The following FBXL17 variants were observed in gnomAD, a reference collection of about 807,000 sequenced individuals.
FBXL17 encodes F-box/LRR-repeat protein 17.
Under a neutral mutation model 66.2 loss-of-function variants are expected in FBXL17, and 22 were observed. That is an observed-to-expected ratio of 0.33 (90% CI 0.24 to 0.47). FBXL17 has a LOEUF of 0.47. Ranked by LOEUF, FBXL17 falls within the 20% of genes least tolerant of loss-of-function variation. The pLI is 1.00. For missense variants in FBXL17, 878 were observed against 948.2 expected (o/e 0.93, Z 0.97); for synonymous variants, 474 against 400.5 (o/e 1.18, Z -2.19).
chr5:108,188,597 C>A (rs959951424), intron 5 of FBXL17, among the ~76,000 whole-genome samples: 1 of 152,180 alleles, frequency 6.6e-6, no homozygotes, highest in African/African-American at 2.4e-5. Flanking sequence ...TACTTGGCAA[C>A]CAAAGCACAC....
intron 6 of FBXL17, among the ~76,000 whole-genome samples, chr5:108,142,978 T>TATA (rs10623997): frequency 0.049 from 7,054 of 145,060 alleles, 530 homozygotes; most frequent in African/African-American, 0.16. Flanking sequence ...GAACATAAAG[T>TATA]ATAATAATAA....
At chr5:108,323,034 T>C (rs1580814618) in intron 4 of FBXL17, among the ~76,000 whole-genome samples, 1 of 151,886 alleles carries the variant, frequency 6.6e-6, no homozygotes, top group East Asian at 1.9e-4. Flanking sequence ...TTACCTCTAA[T>C]AACAGAAACA....
At chr5:108,328,415 T>C (rs1759962492) in intron 4 of FBXL17, among the ~76,000 whole-genome samples, 1 of 151,792 alleles carries the variant, frequency 6.6e-6, no homozygotes. Context: ...ATCAACAAGA[T>C]AACATAAAAA....
intron 2 of FBXL17, 99 bp downstream of exon 2, chr5:108,367,732 C>G: frequency 9.5e-7 from 1 of 1,056,442 alleles, no homozygotes; most frequent in Non-Finnish European, 1.3e-6. Flanking sequence ...GTGATTTGAA[C>G]TATCTTAAAA....
intron 6 of FBXL17, among the ~76,000 whole-genome samples, chr5:108,061,750 A>G (rs896466276): frequency 2.6e-5 from 4 of 152,094 alleles, no homozygotes; most frequent in African/African-American, 9.7e-5. Context: ...ATATAAACTG[A>G]TATCTAGGTC....
At chr5:108,057,039 A>T (rs1469988352) in intron 6 of FBXL17, among the ~76,000 whole-genome samples, 1 of 152,214 alleles carries the variant, frequency 6.6e-6, no homozygotes, top group Non-Finnish European at 1.5e-5. Context: ...AAAGCATCCA[A>T]AAGCATCCAA....
chr5:108,152,450 A>T (rs1751809090), intron 6 of FBXL17, among the ~76,000 whole-genome samples: 1 of 152,162 alleles, frequency 6.6e-6, no homozygotes, highest in Non-Finnish European at 1.5e-5. Context: ...TTGGTACAAA[A>T]TATGAGGGGA....
intron 6 of FBXL17, among the ~76,000 whole-genome samples, chr5:108,183,331 G>A (rs796297029): frequency 2.0e-5 from 3 of 152,042 alleles, no homozygotes; most frequent in African/African-American, 4.8e-5. Context: ...GAGCCACCAC[G>A]CCTGGCCCAG....
At chr5:108,206,673 T>C (rs1343819494) in intron 5 of FBXL17, among the ~76,000 whole-genome samples, 3 of 152,214 alleles carry the variant, frequency 2.0e-5, no homozygotes, top group East Asian at 3.8e-4. Context: ...TATTTTGAGA[T>C]TAATCCATGT....
intron 6 of FBXL17, among the ~76,000 whole-genome samples, chr5:108,049,227 C>T (rs895690666): frequency 6.6e-6 from 1 of 152,004 alleles, no homozygotes; most frequent in African/African-American, 2.4e-5. Flanking sequence ...ACTGCAACCT[C>T]TGCCTCCCAG....
intron 6 of FBXL17, among the ~76,000 whole-genome samples, chr5:108,026,819 A>G (rs1196077973): frequency 6.6e-6 from 1 of 152,206 alleles, no homozygotes; most frequent in African/African-American, 2.4e-5. Flanking sequence ...GAAGGCTACA[A>G]AATTAGAAAA....
chr5:107,892,685 A>G (rs1271376255), intron 7 of FBXL17, among the ~76,000 whole-genome samples: 2 of 152,138 alleles, frequency 1.3e-5, no homozygotes, highest in Admixed American at 1.3e-4. Flanking sequence ...TGTGGAAAAA[A>G]AAGCATAAAG....
chr5:108,285,116 T>C (rs934205303), intron 4 of FBXL17, among the ~76,000 whole-genome samples: 6 of 151,946 alleles, frequency 3.9e-5, no homozygotes, highest in African/African-American at 1.4e-4. Context: ...TTTCTTTGCA[T>C]ATCCATAAGA....
intron 4 of FBXL17, among the ~76,000 whole-genome samples, chr5:108,337,666 T>G (rs950141802): frequency 6.8e-6 from 1 of 148,124 alleles, no homozygotes; most frequent in African/African-American, 2.5e-5. Flanking sequence ...GAACACATTC[T>G]GGAAGAAAGA....
In FBXL17 at chr5:108,147,980, T is replaced by C. The variant is rs907640673; in HGVS notation, c.1745+38137A>G. Among the ~76,000 whole-genome samples, 14 of 148,674 alleles carry C rather than the reference T, an allele frequency of 9.4e-5. No homozygotes were observed. The East Asian group carries it at 2.4e-3, about 25-fold the overall frequency. On this transcript the variant is annotated intron_variant, in intron 6 of 8. Coordinates refer to ENST00000542267, the MANE Select transcript of FBXL17 (RefSeq NM_001163315.3). ...CTTCCCAAACAATAAAAAACAATAA[T>C]ATAGGCAAAGGAAAAAAACTGAAAA...
chr5:107,975,846 T>TTTTTGC (rs1471915281), intron 7 of FBXL17, among the ~76,000 whole-genome samples: 1 of 62,156 alleles, frequency 1.6e-5, no homozygotes, highest in African/African-American at 7.2e-5. Flanking sequence ...TAGAGGGTTT[T>TTTTTGC]TGTTGTTGTT....
chr5:107,998,476 T>C (rs1753571599), intron 7 of FBXL17, among the ~76,000 whole-genome samples: 1 of 152,112 alleles, frequency 6.6e-6, no homozygotes, highest in African/African-American at 2.4e-5. Flanking sequence ...TATGTTACAG[T>C]GCTACCTGAA....
At chr5:108,377,201 C>T (rs1175802470) in intron 1 of FBXL17, among the ~76,000 whole-genome samples, 1 of 152,176 alleles carries the variant, frequency 6.6e-6, no homozygotes, top group East Asian at 1.9e-4. Flanking sequence ...TGCCTTGGCC[C>T]TTGCTCTCAG....
At chr5:108,158,392 A>G (rs1010020419) in intron 6 of FBXL17, among the ~76,000 whole-genome samples, 2 of 152,132 alleles carry the variant, frequency 1.3e-5, no homozygotes, top group African/African-American at 4.8e-5. Flanking sequence ...TAAAACCTCA[A>G]AAAAGGGGCT....
Sources: gnomAD v4.1 joint callset for allele counts (sites outside exome capture counted in the v4.1 genomes callset) on GRCh38, gnomAD v4.1.1 for gene constraint, MANE v1.5 for transcripts, NCBI Gene and HGNC (gene_info 2026-07-23, HGNC 2026-07-21) for gene names.